Variants in EPB41L1 observed in about 807,000 individuals in gnomAD.
The protein encoded by EPB41L1 is erythrocyte membrane protein band 4.1 like 1, also known as band 4.1-like protein 1.
Under a neutral mutation model 97.8 loss-of-function variants are expected in EPB41L1, and 29 were observed. The observed-to-expected ratio is 0.30, with a 90% confidence interval of 0.22 to 0.40. The LOEUF is 0.40. Ranked by LOEUF, EPB41L1 falls within the 10% of genes least tolerant of loss-of-function variation. EPB41L1 has a pLI of 1.00. For synonymous variants in EPB41L1, 383 were observed against 459.2 expected (o/e 0.83, Z 2.12); for missense variants, 812 against 1,162.3 (o/e 0.70, Z 4.38).
chr20:36,199,999 C>T (rs771453267), intron 14 of EPB41L1, among the ~76,000 whole-genome samples: 1 of 152,132 alleles, frequency 6.6e-6, no homozygotes, highest in African/African-American at 2.4e-5. Context: ...CCTGCTCAGC[C>T]GCAAGAAGTA....
At position 36,207,501 on chromosome 20, in the gene EPB41L1, G is replaced by C; in HGVS notation, c.1669-1987G>C. The C allele has an allele frequency of 7.8e-7, 1 of 1,289,842 alleles. No homozygotes were observed. The highest frequency in any genetic ancestry group is 1.0e-6 in the Non-Finnish European group (1 of 988,872). 79.9% of individuals were successfully genotyped at this position (1,289,842 alleles called of 1,614,324 possible). A position where few individuals can be genotyped will look rare whatever the true frequency, so the allele number is the denominator to read the frequency against. On this transcript the variant is annotated intron_variant, in intron 14 of 21. Transcript: ENST00000338074. The surrounding 1 kb of genome is among the most constrained non-coding windows in gnomAD (Gnocchi z 4.9). ...GAGCTGAAACTCGCCGAATGAGTGAGGGTGAAGCAAGGTCCCTTCCAAATG... is the reference window on the plus strand; with the variant it reads ...GAGCTGAAACTCGCCGAATGAGTGACGGTGAAGCAAGGTCCCTTCCAAATG...
At chr20:36,204,558 C>T (rs2062692162) in intron 14 of EPB41L1, among the ~76,000 whole-genome samples, 1 of 146,418 alleles carries the variant, frequency 6.8e-6, no homozygotes, top group African/African-American at 2.5e-5. Flanking sequence ...GATCTCGGCT[C>T]ACCGCAACCT....
chr20:36,120,215 C>A (rs919686435), intron 2 of EPB41L1, among the ~76,000 whole-genome samples: 2 of 152,194 alleles, frequency 1.3e-5, no homozygotes, highest in Non-Finnish European at 2.9e-5. Flanking sequence ...TAATCCTCAT[C>A]CTAAGAAATG....
intron 2 of EPB41L1, among the ~76,000 whole-genome samples, chr20:36,119,196 C>T (rs529509831): frequency 1.2e-4 from 18 of 152,328 alleles, no homozygotes; most frequent in African/African-American, 3.1e-4. Flanking sequence ...GAGGTGGGCT[C>T]AGGGGCTGCA....
chr20:36,159,293 A>G (rs1174982362), intron 1 of EPB41L1, among the ~76,000 whole-genome samples: 1 of 152,204 alleles, frequency 6.6e-6, no homozygotes, highest in Non-Finnish European at 1.5e-5. Context: ...CTTCCTCTAT[A>G]ATAGCAGTAA....
intron 13 of EPB41L1, among the ~76,000 whole-genome samples, chr20:36,196,467 C>A (rs1466967887): frequency 6.6e-6 from 1 of 152,240 alleles, no homozygotes; most frequent in Non-Finnish European, 1.5e-5. Context: ...TGTGCAAGCA[C>A]CATCAGGTTT....
intron 14 of EPB41L1, chr20:36,208,375 G>T (rs995061192): frequency 4.5e-6 from 2 of 449,094 alleles, no homozygotes; most frequent in Non-Finnish European, 8.9e-6. Context: ...GGAAGGGGGG[G>T]CGCCTGAGAT....
At chr20:36,127,108 CAGTG>C (rs548783187) in intron 2 of EPB41L1, among the ~76,000 whole-genome samples, 1,989 of 152,350 alleles carry the variant, frequency 0.013, 32 homozygotes, top group Non-Finnish European at 0.017. Flanking sequence ...AAGCCTCTGA[CAGTG>C]AGGCTCATCC....
In EPB41L1 at chr20:36,207,090, A is replaced by G; in HGVS notation, c.1669-2398A>G. On this transcript the variant is annotated intron_variant, in intron 14 of 21. Transcript: ENST00000338074. This position sits in a 1 kb window ranked among gnomAD's most constrained non-coding sequence, Gnocchi z 4.9. Reference sequence around the variant, plus strand: ...ACATGGAGGTGATCATTCCCCTGCCAGCCTCCCCTGGTCATTCTGAGGACC... The same window carrying G: ...ACATGGAGGTGATCATTCCCCTGCCGGCCTCCCCTGGTCATTCTGAGGACC... The G allele has an allele frequency of 7.8e-7, 1 of 1,289,176 alleles. No individual in the cohort carries two copies. Among genetic ancestry groups the G allele is most frequent in the Non-Finnish European group, 1.0e-6 (1 of 988,358 alleles). The allele number at this position is 1,289,176 out of a possible 1,614,324, so 79.9% of individuals were successfully genotyped here.
rs144013360 is a variant in EPB41L1, at chr20:36,126,012, G to C, written c.-10+13532G>C. 1.1e-4 allele frequency among the ~76,000 whole-genome samples: 16 copies of C among 152,212 alleles called. No homozygotes were observed. In the East Asian group the frequency reaches 2.9e-3, roughly 28 times the overall value. ...GTCCTAGATGGCTGCAGACTTTCTC[G>C]ATGGGGGGCTGACGAGATTATAAAA... On this transcript the variant is annotated intron_variant, in intron 2 of 19. Coordinates refer to the EPB41L1 transcript ENST00000202028.
chr20:36,206,915 A>G lies in EPB41L1; in HGVS notation c.1669-2573A>G, dbSNP rs766583240. The G allele has an allele frequency of 8.8e-5, 113 of 1,289,822 alleles. No homozygotes were observed. The highest frequency in any genetic ancestry group is 2.3e-4 in the Admixed American group (10 of 43,552). The allele number at this position is 1,289,822 out of a possible 1,614,324, so 79.9% of individuals were successfully genotyped here. A position where few individuals can be genotyped will look rare whatever the true frequency, so the allele number is the denominator to read the frequency against. On this transcript the variant is annotated intron_variant, in intron 14 of 21. Transcript: ENST00000338074. The surrounding 1 kb of genome is among the most constrained non-coding windows in gnomAD (Gnocchi z 5.5). ...GGACAGGGCGTGCATCCCGACCCCC[A>G]GGCCTGCGCCCTTCCTCGGGCCATC...
chr20:36,160,150 A>G (rs1187321589), intron 1 of EPB41L1, among the ~76,000 whole-genome samples: 1 of 152,228 alleles, frequency 6.6e-6, no homozygotes, highest in Non-Finnish European at 1.5e-5. Context: ...ATAGATACAG[A>G]TTGGAAGAAA....
At chr20:36,110,589 A>C (rs911806372) in intron 1 of EPB41L1, 1 of 152,266 alleles carries the variant, frequency 6.6e-6, no homozygotes, top group South Asian at 2.0e-4. Flanking sequence ...TTACACACAC[A>C]CACTCTCACA....
Position 36,221,950 on chromosome 20 carries a change from G to A in EPB41L1, c.2520+6G>A, listed in dbSNP as rs541814985. 3.1e-6 allele frequency: 5 copies of A among 1,614,054 alleles called. No individual in the cohort carries two copies. Among genetic ancestry groups the A allele is most frequent in the East Asian group, 4.5e-5 (2 of 44,884 alleles). On this transcript the variant is annotated splice_donor_region_variant and intron_variant, in intron 20 of 21. Coordinates refer to ENST00000338074, the MANE Select transcript of EPB41L1 (RefSeq NM_012156.2). ...AAGATGTCGATCAAGACCAGGTATG[G>A]GGGTAGCAACCGTTCTTCCCAGTGC...
At chr20:36,145,395 CAAA>C (rs1188803832) in intron 2 of EPB41L1, among the ~76,000 whole-genome samples, 13 of 65,604 alleles carry the variant, frequency 2.0e-4, no homozygotes, top group Non-Finnish European at 1.6e-4. Flanking sequence ...GACTCCATCT[CAAA>C]AAAAAAAAAA....
chr20:36,210,253 G>A (rs949010795), intron 15 of EPB41L1, among the ~76,000 whole-genome samples: 3 of 152,138 alleles, frequency 2.0e-5, no homozygotes, highest in African/African-American at 7.2e-5. Flanking sequence ...TGGTCTGAAA[G>A]CTGAATGGTT....
chr20:36,187,602 G>A (rs2061736846), intron 7 of EPB41L1, 74 bp from the exon 8 acceptor site: 4 of 1,204,066 alleles, frequency 3.3e-6, no homozygotes, highest in Non-Finnish European at 2.4e-6. Flanking sequence ...GGTTCTGATG[G>A]TGGGCACCTT....
At chr20:36,205,897 G>A in intron 14 of EPB41L1, 12 of 1,289,848 alleles carry the variant, frequency 9.3e-6, no homozygotes, top group Non-Finnish European at 1.2e-5. Context: ...TAGGCCAGAA[G>A]AGCTCGGTCT....
At position 36,092,247 on chromosome 20, in the gene EPB41L1, A is replaced by G. The variant is rs983977574; in HGVS notation, c.-65+635A>G. 6.6e-6 allele frequency among the ~76,000 whole-genome samples: 1 copy of G among 152,128 alleles called. No individual in the cohort carries two copies. On this transcript the variant is annotated intron_variant, in intron 1 of 19. Coordinates refer to the EPB41L1 transcript ENST00000202028. This position sits in a 1 kb window ranked among gnomAD's most constrained non-coding sequence, Gnocchi z 7.0. ...GGTTACCCCGGGGCACCGGGCACAG[A>G]GCCGAGAAGTCTAAGCTAGGGAAAA...
Sources: gnomAD v4.1 joint callset for allele counts (sites outside exome capture counted in the v4.1 genomes callset) on GRCh38, gnomAD v4.1.1 for gene constraint, Gnocchi (gnomAD v3.1) non-coding constraint, MANE v1.5 for transcripts, NCBI Gene and HGNC (gene_info 2026-07-23, HGNC 2026-07-21) for gene names.